ITPRID2: variants seen among roughly 807,000 people sequenced by gnomAD.
ITPRID2 encodes ITPR interacting domain containing 2, also known as protein ITPRID2.
In ITPRID2, 60 loss-of-function variants were observed where a neutral mutation model predicts 124.3. The observed-to-expected ratio is 0.48, with a 90% CI of 0.39 to 0.60. The LOEUF (loss-of-function observed/expected upper bound fraction) is 0.60. ITPRID2 is among the 20% of genes least tolerant of loss of function. The pLI is 0.00. For synonymous variants in ITPRID2, 521 were observed against 542.9 expected, an observed-to-expected ratio of 0.96 and a Z score of 0.56; for missense variants, 1,553 against 1,512.2, an observed-to-expected ratio of 1.03 and a Z score of -0.45.
In ITPRID2 at chr2:181,901,801, G is replaced by A; in HGVS notation, c.748G>A (p.Ala250Thr). The A allele has an allele frequency of 6.2e-7, 1 of 1,613,140 alleles. No homozygotes were observed. Among genetic ancestry groups the A allele is most frequent in the Non-Finnish European group, 8.5e-7 (1 of 1,179,584 alleles). The change falls in exon 8 of 18, where the codon GCC (alanine) becomes ACC (threonine). Residue 250 changes from alanine to threonine, a missense_variant. Ala to Thr is a moderately conservative substitution (Grantham distance 58). Coordinates refer to ENST00000431877, the MANE Select transcript of ITPRID2 (RefSeq NM_001130445.3). Reference protein sequence around the residue: ...FRQIEVLTTVANAFSSLYSQV... With the variant: ...FRQIEVLTTVTNAFSSLYSQV... ...TCAAATTGAAGTGCTTACTACTGTG[G>A]CCAATGCGTTTTCTTCTTTATATTC...
In ITPRID2 at chr2:181,909,843, T is replaced by C; in HGVS notation, c.1414-56T>C. The C allele has an allele frequency of 3.1e-6, 4 of 1,306,760 alleles. No individual in the cohort carries two copies. In the Admixed American group the frequency reaches 7.0e-5, roughly 23 times the overall value. The allele number at this position is 1,306,760 out of a possible 1,614,324, so 80.9% of individuals were successfully genotyped here. On this transcript the variant is annotated intron_variant, in intron 8 of 17. Coordinates refer to ENST00000431877, the MANE Select transcript of ITPRID2 (RefSeq NM_001130445.3). ...GTTTAATAGATATTTATTCAAGAAG[T>C]TATACTTGTTTGCCTTAGATTCATT...
chr2:181,918,656 C>A lies in ITPRID2; in HGVS notation c.2846C>A (p.Ser949Tyr). 1 of 1,614,118 alleles carries A rather than the reference C, an allele frequency of 6.2e-7. No individual in the cohort carries two copies. Reference sequence around the variant, plus strand: ...GCTCCATATAGTACTCAGAAATCATCTGTTCTACCTCTTTATGAAGTAAGT... The same window carrying A: ...GCTCCATATAGTACTCAGAAATCATATGTTCTACCTCTTTATGAAGTAAGT... ...AAAPYSTQKS[S>Y]VLPLYENTFQ... is the part of the protein sequence containing the mutation. Residue 949 changes from serine (S) to tyrosine (Y), a missense_variant, in exon 12 of 18, where the codon TCT becomes TAT. Ser to Tyr is a moderately radical substitution (Grantham distance 144). Coordinates refer to ENST00000431877, the MANE Select transcript of ITPRID2 (RefSeq NM_001130445.3).
chr2:181,900,937 CTTAAA>C (rs758839242), intron 7 of ITPRID2, 33 bp downstream of exon 7: 1 of 1,515,556 alleles, frequency 6.6e-7, no homozygotes, highest in Non-Finnish European at 9.0e-7. Context: ...ATATTATTTT[CTTAAA>C]TTATAGCATC....
Position 181,899,010 on chromosome 2 carries a change from G to A in ITPRID2, c.405-4G>A, listed in dbSNP as rs200615413. ...AGTTTTATATAATCTGATTTTGTTC[G>A]TAGCAATAATATCTTGGCCAAAGAG... On this transcript the variant is annotated splice_polypyrimidine_tract_variant and splice_region_variant and intron_variant, in intron 5 of 17. Coordinates refer to ENST00000431877, the MANE Select transcript of ITPRID2 (RefSeq NM_001130445.3). 1.6e-4 allele frequency: 261 copies of A among 1,606,438 alleles called. No individual in the cohort carries two copies. The highest frequency in any genetic ancestry group is 8.3e-4 in the Middle Eastern group (5 of 6,024).
intron 11 of ITPRID2, chr2:181,916,753 A>G: frequency 2.4e-6 from 2 of 841,178 alleles, no homozygotes; most frequent in Non-Finnish European, 2.9e-6. Flanking sequence ...TGTCATTTCT[A>G]TTATTAAAAA....
chr2:181,927,778 A>C (rs1057111838), intron 16 of ITPRID2, among the ~76,000 whole-genome samples: 10 of 152,238 alleles, frequency 6.6e-5, no homozygotes, highest in Admixed American at 5.2e-4. Flanking sequence ...CAATGAGAGC[A>C]CTTGTGTCTC....
chr2:181,922,490 C>T (rs1694554350), intron 16 of ITPRID2, 78 bp downstream of exon 16: 3 of 1,284,930 alleles, frequency 2.3e-6, no homozygotes, highest in Admixed American at 5.7e-5. Flanking sequence ...TAATTATTTA[C>T]AGAATGTTCT....
At position 181,905,724 on chromosome 2, in the gene ITPRID2, C is replaced by A. The variant is rs543165053; in HGVS notation, c.1413+3258C>A. On this transcript the variant is annotated intron_variant, in intron 8 of 17. Transcript: ENST00000431877. This position sits in a 1 kb window ranked among gnomAD's most constrained non-coding sequence, Gnocchi z 4.1. Reference sequence around the variant, plus strand: ...TGTTAGTAACTGTTTCTAATCCTGTCTTCATACTAATTATTGATTTAACTA... The same window carrying A: ...TGTTAGTAACTGTTTCTAATCCTGTATTCATACTAATTATTGATTTAACTA... 4.6e-4 allele frequency among the ~76,000 whole-genome samples: 70 copies of A among 152,264 alleles called. No homozygotes were observed. The highest frequency in any genetic ancestry group is 1.7e-3 in the African/African-American group (70 of 41,566).
chr2:181,901,864 A>C lies in ITPRID2; in HGVS notation c.811A>C (p.Met271Leu). 6.2e-7 allele frequency: 1 copy of C among 1,613,942 alleles called. No individual in the cohort carries two copies. The highest frequency in any genetic ancestry group is 8.5e-7 in the Non-Finnish European group (1 of 1,179,884). The change falls in exon 8 of 18, where the codon ATG (methionine) becomes CTG (leucine). Residue 271 changes from methionine (M) to leucine (L), a missense_variant. By Grantham distance (15) the Met-to-Leu change is conservative (BLOSUM62 2). Transcript: ENST00000431877. Reference protein sequence around the residue: ...SGTPLQRIGSMSSVTSNKETD... With the variant: ...SGTPLQRIGSLSSVTSNKETD... ...GACGCCCCTGCAGAGAATTGGAAGT[A>C]TGTCCTCAGTGACCTCTAACAAGGA... is the stretch of plus-strand genomic sequence containing the variant.
intron 8 of ITPRID2, among the ~76,000 whole-genome samples, chr2:181,909,189 A>C (rs1693402170): frequency 6.6e-6 from 1 of 152,144 alleles, no homozygotes; most frequent in Non-Finnish European, 1.5e-5. Context: ...ATCTTTCATT[A>C]TTTTAGTTCT....
At chr2:181,895,969 A>G in intron 2 of ITPRID2, 61 bp from the exon 3 acceptor site, 1 of 1,413,420 alleles carries the variant, frequency 7.1e-7, no homozygotes, top group Non-Finnish European at 1.0e-6. Flanking sequence ...AAGGCTGTGT[A>G]ATGACAACTT....
At position 181,902,093 on chromosome 2, in the gene ITPRID2, T is replaced by C. The variant is rs769316301; in HGVS notation, c.1040T>C (p.Met347Thr). 1.3e-5 allele frequency: 21 copies of C among 1,610,822 alleles called. No homozygotes were observed. The highest frequency in any genetic ancestry group is 1.8e-5 in the Non-Finnish European group (21 of 1,178,956). ...AACGATCAAAAGTCTCAAAAAATTA[T>C]GAAGAAGAAAGAGTCATCTTCTATG... is the stretch of plus-strand genomic sequence containing the variant. ...NKNDQKSQKI[M>T]KKKESSSMLA... The change falls in exon 8 of 18, where the codon ATG becomes ACG. Residue 347 changes from methionine to threonine, a missense_variant. Physicochemically the swap from Met to Thr is moderately conservative, Grantham distance 81. Transcript: ENST00000431877. This position sits in a 1 kb window ranked among gnomAD's most constrained non-coding sequence, Gnocchi z 4.4.
chr2:181,913,412 A>G lies in ITPRID2; in HGVS notation c.1487-433A>G, dbSNP rs557513601. Among the ~76,000 whole-genome samples the G allele has an allele frequency of 5.9e-5, 9 of 152,254 alleles. No individual in the cohort carries two copies. The South Asian group carries it at 1.2e-3, about 21-fold the overall frequency. ...GGGAAGATAATAGAAATCTTTACAC[A>G]CTATGCTCTCTATATGAACTTCTAA... is the stretch of plus-strand genomic sequence containing the variant. On this transcript the variant is annotated intron_variant, in intron 9 of 17. Coordinates refer to ENST00000431877, the MANE Select transcript of ITPRID2 (RefSeq NM_001130445.3).
rs767095072 is a variant in ITPRID2, at chr2:181,901,855, A to C, written c.802A>C (p.Ile268Leu). Reference sequence around the variant, plus strand: ...AGTCTCCGGGACGCCCCTGCAGAGAATTGGAAGTATGTCCTCAGTGACCTC... The same window carrying C: ...AGTCTCCGGGACGCCCCTGCAGAGACTTGGAAGTATGTCCTCAGTGACCTC... ...SQVSGTPLQR[I>L]GSMSSVTSNK... The change falls in exon 8 of 18, where the codon ATT (isoleucine) becomes CTT (leucine). Residue 268 changes from isoleucine (I) to leucine (L), a missense_variant. Transcript: ENST00000431877. 2 of 1,613,810 alleles carry C rather than the reference A, an allele frequency of 1.2e-6. No individual in the cohort carries two copies. Among genetic ancestry groups the C allele is most frequent in the African/African-American group, 2.7e-5 (2 of 74,906 alleles).
Position 181,930,326 on chromosome 2 carries a change from G to A in ITPRID2, c.*779G>A, listed in dbSNP as rs533130749. 4 of 152,448 alleles carry A rather than the reference G, an allele frequency of 2.6e-5. No individual in the cohort carries two copies. The highest frequency in any genetic ancestry group is 4.2e-4 in the South Asian group (2 of 4,810). 9.4% of individuals were successfully genotyped at this position (152,448 alleles called of 1,614,324 possible). ...AAATAGAGTATCATCCAAATAATGG[G>A]GCCTATGACTTGAATGAATAGAAAT... On this transcript the variant is annotated 3_prime_UTR_variant, in exon 18 of 18. Transcript: ENST00000431877.
chr2:181,910,981 A>G lies in ITPRID2; in HGVS notation c.1486+1010A>G, dbSNP rs1693560162. 6.6e-6 allele frequency among the ~76,000 whole-genome samples: 1 copy of G among 152,224 alleles called. No homozygotes were observed. Among genetic ancestry groups the G allele is most frequent in the Admixed American group, 6.5e-5 (1 of 15,284 alleles). On this transcript the variant is annotated intron_variant, in intron 9 of 17. Transcript: ENST00000431877. The surrounding 1 kb of genome is among the most constrained non-coding windows in gnomAD (Gnocchi z 4.1). ...TGCTTTAGATAGGTAGACAGGGGAT[A>G]CATTGGAAAAAGCAGCTTGCCATGC...
rs1377957391 is a variant in ITPRID2 at position 181,902,133 on chromosome 2, A to G, written c.1080A>G (p.Lys360=). The part of the protein sequence containing the change: ...KESSSMLATV[K]EEVSGSSAAV... ...CATCTTCTATGTTGGCTACAGTTAAAGAAGAAGTCTCTGGTAGTTCAGCAG... is the reference window on the plus strand; with the variant it reads ...CATCTTCTATGTTGGCTACAGTTAAGGAAGAAGTCTCTGGTAGTTCAGCAG... Residue 360 remains lysine (K), a synonymous_variant, in exon 8 of 18, where the codon AAA becomes AAG. Transcript: ENST00000431877. The surrounding 1 kb of genome is among the most constrained non-coding windows in gnomAD (Gnocchi z 4.4). 1 of 1,613,062 alleles carries G rather than the reference A, an allele frequency of 6.2e-7. No individual in the cohort carries two copies. Among genetic ancestry groups the G allele is most frequent in the African/African-American group, 1.3e-5 (1 of 74,924 alleles).
chr2:181,915,733 C>T lies in ITPRID2; in HGVS notation c.2093C>T (p.Ala698Val). Reference protein sequence around the residue: ...MDRVNTALQRAQMKVCSLSNQ... With the variant: ...MDRVNTALQRVQMKVCSLSNQ... ...AGAGTTAATACAGCTTTGCAAAGAG[C>T]TCAAATGAAGGTTTGCAGTCTGTCT... The change falls in exon 11 of 18, where the codon GCT becomes GTT. Residue 698 changes from alanine (A) to valine (V), a missense_variant. Physicochemically the swap from Ala to Val is moderately conservative, Grantham distance 64. Coordinates refer to ENST00000431877, the MANE Select transcript of ITPRID2 (RefSeq NM_001130445.3). 1 of 1,614,044 alleles carries T rather than the reference C, an allele frequency of 6.2e-7. No individual in the cohort carries two copies. The highest frequency in any genetic ancestry group is 8.5e-7 in the Non-Finnish European group (1 of 1,180,014).
intron 11 of ITPRID2, chr2:181,918,315 T>G: frequency 1.7e-6 from 2 of 1,161,198 alleles, no homozygotes; most frequent in Non-Finnish European, 1.1e-6. Context: ...GATTTTGTTT[T>G]TTTTTAGTTT....
Sources: allele counts gnomAD v4.1 joint callset (sites outside exome capture counted in the v4.1 genomes callset), GRCh38; gene constraint gnomAD v4.1.1; non-coding constraint Gnocchi (gnomAD v3.1); transcripts MANE v1.5; gene names NCBI Gene and HGNC (gene_info 2026-07-23, HGNC 2026-07-21).